ZNF106: variants seen among roughly 807,000 people sequenced by gnomAD.
The protein encoded by ZNF106 is zinc finger protein 106.
A neutral mutation model predicts 195.1 loss-of-function variants in ZNF106; 67 were observed. The ratio of observed to expected loss-of-function variants is 0.34; its 90% CI spans 0.28 to 0.42. The LOEUF (loss-of-function observed/expected upper bound fraction) is 0.42, where lower values mean the gene tolerates loss of function less well. ZNF106 is among the 10% of genes least tolerant of loss of function. The pLI, the probability that ZNF106 is intolerant of heterozygous loss-of-function variation, is 1.00. For synonymous variants in ZNF106, 784 were observed against 818.6 expected (o/e 0.96, Z 0.72); for missense variants, 2,118 against 2,304.5 (o/e 0.92, Z 1.66).
intron 1 of ZNF106, among the ~76,000 whole-genome samples, chr15:42,486,398 T>C (rs750209616): frequency 1.3e-5 from 2 of 152,142 alleles, no homozygotes; most frequent in Non-Finnish European, 2.9e-5. Flanking sequence ...TAGCTGGGAT[T>C]ACAGGTATAC....
At position 42,450,225 on chromosome 15, in the gene ZNF106, C is replaced by T. The variant is rs757694475; in HGVS notation, c.2047G>A (p.Ala683Thr). 2 of 1,614,162 alleles carry T rather than the reference C, an allele frequency of 1.2e-6. No homozygotes were observed. The highest frequency in any genetic ancestry group is 1.7e-6 in the Non-Finnish European group (2 of 1,180,030). Reference protein sequence around the residue: ...KESELQMTSAASPHPGLLLDL... With the variant: ...KESELQMTSATSPHPGLLLDL... ...AGCAATAAGCCAGGGTGTGGACTGG[C>T]TGCAGATGTCATTTGTAATTCAGAT... The change falls in exon 5 of 22, where the codon GCC becomes ACC. Residue 683 changes from alanine to threonine, a missense_variant. By Grantham distance (58) the Ala-to-Thr change is moderately conservative. Coordinates refer to ENST00000564754, the MANE Select transcript of ZNF106 (RefSeq NM_001366845.3).
intron 18 of ZNF106, 117 bp from the exon 19 acceptor site, chr15:42,422,105 C>A (rs996862550): frequency 2.6e-5 from 19 of 721,100 alleles, no homozygotes; most frequent in Non-Finnish European, 3.6e-5. Flanking sequence ...AGTGGAAGCA[C>A]CAGTAGCATT....
chr15:42,423,700 A>AT (rs1470131492), intron 17 of ZNF106, among the ~76,000 whole-genome samples: 1 of 152,108 alleles, frequency 6.6e-6, no homozygotes, highest in Non-Finnish European at 1.5e-5. Context: ...TACTAGTTCT[A>AT]TTTTAACTAC....
At chr15:42,436,547 G>T (rs938899119) in intron 13 of ZNF106, among the ~76,000 whole-genome samples, 10 of 151,946 alleles carry the variant, frequency 6.6e-5, no homozygotes, top group Admixed American at 3.9e-4. Context: ...ATATTTTCAT[G>T]GTATTCATTC....
At chr15:42,420,588 CG>C (rs1012374595) in intron 20 of ZNF106, among the ~76,000 whole-genome samples, 19 of 150,560 alleles carry the variant, frequency 1.3e-4, no homozygotes, top group South Asian at 1.0e-3. Context: ...TTAGAACTGA[CG>C]AAAAAAAAAT....
chr15:42,490,583 G>T (rs2057133091), intron 1 of ZNF106, among the ~76,000 whole-genome samples: 1 of 152,182 alleles, frequency 6.6e-6, no homozygotes, highest in African/African-American at 2.4e-5. Context: ...GGAGGAAAAA[G>T]AACGGAGGTT....
rs760082495 is a variant in ZNF106, at chr15:42,450,701, G to A, written c.1571C>T (p.Pro524Leu). ...NKPTVEDNHGPYISKLRSSCP... is the reference protein window; with the variant it reads ...NKPTVEDNHGLYISKLRSSCP... ...TGAACTACGCAGTTTGGATATGTAA[G>A]GACCATGGTTATCTTCCACAGTGGG... Residue 524 changes from proline (P) to leucine (L), a missense_variant, in exon 5 of 22, where the codon CCT (proline) becomes CTT (leucine). Transcript: ENST00000564754. 12 of 1,614,176 alleles carry A rather than the reference G, an allele frequency of 7.4e-6. No homozygotes were observed. The highest frequency in any genetic ancestry group is 9.3e-6 in the Non-Finnish European group (11 of 1,180,032).
intron 14 of ZNF106, among the ~76,000 whole-genome samples, chr15:42,433,293 G>C (rs909385914): frequency 6.6e-6 from 1 of 151,744 alleles, no homozygotes; most frequent in Admixed American, 6.6e-5. Context: ...TTTTAGTAGA[G>C]ACGGGGTTTC....
intron 7 of ZNF106, 109 bp from the exon 8 acceptor site, chr15:42,445,090 C>A: frequency 7.8e-7 from 1 of 1,278,042 alleles, no homozygotes; most frequent in Non-Finnish European, 1.1e-6. Context: ...TTTATGTTCT[C>A]CTCAGTAGGT....
At chr15:42,442,564 A>C in intron 9 of ZNF106, 150 bp from the exon 10 acceptor site, 2 of 627,694 alleles carry the variant, frequency 3.2e-6, no homozygotes, top group Admixed American at 6.4e-5. Flanking sequence ...AATATGGAGA[A>C]TATAATCTCT....
chr15:42,432,203 G>A (rs1188805689), intron 14 of ZNF106, among the ~76,000 whole-genome samples: 4 of 152,046 alleles, frequency 2.6e-5, no homozygotes. Context: ...CTGTCACCCA[G>A]GCTGGAGTGC....
At chr15:42,473,924 C>T (rs1205033184) in intron 1 of ZNF106, among the ~76,000 whole-genome samples, 1 of 152,156 alleles carries the variant, frequency 6.6e-6, no homozygotes, top group Non-Finnish European at 1.5e-5. Context: ...CCACTTGTTA[C>T]ACTCCCTCTT....
intron 15 of ZNF106, 23 bp from the exon 16 acceptor site, chr15:42,425,048 A>T: frequency 6.2e-7 from 1 of 1,610,642 alleles, no homozygotes; most frequent in Non-Finnish European, 8.5e-7. Flanking sequence ...CCAAGATTAC[A>T]GCTAAAACCA....
chr15:42,459,267 G>A (rs745337855), intron 3 of ZNF106, among the ~76,000 whole-genome samples: 1 of 152,086 alleles, frequency 6.6e-6, no homozygotes, highest in Non-Finnish European at 1.5e-5. Context: ...CCTGAGGTCA[G>A]GAGTTTGAGA....
rs767830120 is a variant in ZNF106, at chr15:42,415,674, A to G, written c.*1630T>C. ...GCAATCCCAGAGAGCATGAGGCACC[A>G]TGTCCCAAAGCTTGGTATGTGGCCC... is the stretch of plus-strand genomic sequence containing the variant. On this transcript the variant is annotated 3_prime_UTR_variant, in exon 22 of 22. Transcript: ENST00000564754. 9 of 236,590 alleles carry G rather than the reference A, an allele frequency of 3.8e-5. No homozygotes were observed. Among genetic ancestry groups the G allele is most frequent in the Non-Finnish European group, 6.9e-5 (8 of 116,160 alleles). 14.7% of individuals were successfully genotyped at this position (236,590 alleles called of 1,614,324 possible).
intron 15 of ZNF106, 200 bp downstream of exon 15, chr15:42,427,818 G>A (rs1448711920): frequency 2.4e-6 from 1 of 419,704 alleles, no homozygotes; most frequent in African/African-American, 2.0e-5. Context: ...TTTTGGTCCT[G>A]GAACATTTGA....
At chr15:42,429,824 T>C (rs1291475589) in intron 14 of ZNF106, among the ~76,000 whole-genome samples, 2 of 152,146 alleles carry the variant, frequency 1.3e-5, no homozygotes, top group African/African-American at 2.4e-5. Flanking sequence ...TATTGGCACA[T>C]GTACCAATAC....
chr15:42,435,559 T>C lies in ZNF106; in HGVS notation c.4747-41A>G, dbSNP rs138557389. The C allele has an allele frequency of 4.5e-5, 73 of 1,610,758 alleles. 1 individual carries two copies. In the Middle Eastern group the frequency reaches 6.6e-4, roughly 15 times the overall value. ...AGACCAGATTATTACTTATGAGATA[T>C]AGGAGGATTAGATAATATATTTCCT... On this transcript the variant is annotated intron_variant, in intron 13 of 21. Coordinates refer to ENST00000564754, the MANE Select transcript of ZNF106 (RefSeq NM_001366845.3).
chr15:42,435,180 A>G (rs2055226204), intron 14 of ZNF106, among the ~76,000 whole-genome samples: 1 of 152,210 alleles, frequency 6.6e-6, no homozygotes, highest in South Asian at 2.1e-4. Context: ...GAAGTGAAAA[A>G]ATACTGGTGG....
Sources: allele counts gnomAD v4.1 joint callset (sites outside exome capture counted in the v4.1 genomes callset), GRCh38; gene constraint gnomAD v4.1.1; transcripts MANE v1.5; gene names NCBI Gene and HGNC (gene_info 2026-07-23, HGNC 2026-07-21).